The following CEP83 variants were observed in gnomAD, a reference collection of about 807,000 sequenced individuals.
CEP83 encodes centrosomal protein 83, also known as centrosomal protein of 83 kDa.
A neutral mutation model predicts 101.9 loss-of-function variants in CEP83; 70 were observed. The observed-to-expected ratio is 0.69, with a 90% CI of 0.57 to 0.84. CEP83 has a LOEUF of 0.84. Ranked by LOEUF, CEP83 falls within the 40% of genes least tolerant of loss-of-function variation. CEP83 has a pLI of 0.00. For synonymous variants in CEP83, 264 were observed against 267.9 expected (o/e 0.99, Z 0.14); for missense variants, 715 against 787.2 (o/e 0.91, Z 1.10).
intron 11 of CEP83, among the ~76,000 whole-genome samples, chr12:94,352,315 G>A (rs2060235552): frequency 6.6e-6 from 1 of 151,872 alleles, no homozygotes; most frequent in Admixed American, 6.6e-5. Flanking sequence ...AGCTACTTGG[G>A]AGGCTGTGGC....
At chr12:94,296,630 T>C in the CEP83 span, among the ~76,000 whole-genome samples, 1 of 152,210 alleles carries the variant, frequency 6.6e-6, no homozygotes, top group African/African-American at 2.4e-5. Flanking sequence ...CTTCCTACCT[T>C]TGGACCTTCC....
intron 11 of CEP83, among the ~76,000 whole-genome samples, chr12:94,349,976 G>A (rs2060126990): frequency 2.0e-5 from 3 of 152,092 alleles, no homozygotes; most frequent in South Asian, 2.1e-4. Context: ...ACTAAAAGAC[G>A]CTGCTAACAG....
chr12:94,336,708 T>G (rs7298750), intron 11 of CEP83, among the ~76,000 whole-genome samples: 3,916 of 152,330 alleles, frequency 0.026, 184 homozygotes, highest in African/African-American at 0.09. Flanking sequence ...CTTTTCCTTT[T>G]GCTCCACCGT....
chr12:94,386,052 G>A (rs565888624), intron 6 of CEP83, among the ~76,000 whole-genome samples: 2 of 152,270 alleles, frequency 1.3e-5, no homozygotes, highest in South Asian at 2.1e-4. Flanking sequence ...AGTCCATGAT[G>A]TTTGCACATG....
rs778318308 is a variant in CEP83 at position 94,424,708 on chromosome 12, G to A, written c.-102+10567C>T. ...ATTTGTTTGTGGTCTTGTCCAGTAC[G>A]GCCTTAGTGGAAACAATCTTGCCAT... On this transcript the variant is annotated intron_variant, in intron 2 of 16. Coordinates refer to ENST00000397809, the MANE Select transcript of CEP83 (RefSeq NM_016122.3). 3.0e-5 allele frequency: 48 copies of A among 1,608,494 alleles called. No homozygotes were observed. The East Asian group carries it at 6.9e-4, about 23-fold the overall frequency.
At chr12:94,297,042 G>A in the CEP83 span, 2 of 717,758 alleles carry the variant, frequency 2.8e-6, no homozygotes, top group Non-Finnish European at 4.9e-6. Flanking sequence ...GCAGCAGGGG[G>A]AAAAATGTAG....
At chr12:94,280,047 G>A in the CEP83 span, 1 of 350,276 alleles carries the variant, frequency 2.9e-6, no homozygotes, top group South Asian at 2.2e-5. Context: ...TACTGAGCGT[G>A]TCATTACTGG....
downstream of CEP83, chr12:94,304,252 A>G (rs375593880): frequency 3.7e-4 from 172 of 459,846 alleles, 2 homozygotes; most frequent in East Asian, 5.3e-3. Context: ...CATGCTGCCC[A>G]CATTTGGACC....
At chr12:94,342,033 T>TA (rs1378242710) in intron 11 of CEP83, among the ~76,000 whole-genome samples, 1 of 152,198 alleles carries the variant, frequency 6.6e-6, no homozygotes, top group Non-Finnish European at 1.5e-5. Flanking sequence ...GAATATGTCC[T>TA]AAAAAATGTA....
chr12:94,298,515 G>T, the CEP83 span: 35 of 842,316 alleles, frequency 4.2e-5, no homozygotes, highest in South Asian at 6.1e-4. Context: ...TCTTCAGTTT[G>T]TTTTTCCCTG....
intron 1 of CEP83, 67 bp downstream of exon 1, chr12:94,459,490 T>A (rs988014690): frequency 6.6e-6 from 1 of 152,228 alleles, no homozygotes; most frequent in Admixed American, 6.5e-5. Context: ...GGGCAGTTTG[T>A]GGAGGGACAA....
At chr12:94,338,942 A>G (rs2059563725) in intron 11 of CEP83, among the ~76,000 whole-genome samples, 1 of 151,804 alleles carries the variant, frequency 6.6e-6, no homozygotes. Flanking sequence ...CAGCTGATAT[A>G]CTGATATATA....
chr12:94,447,651 C>T (rs990415426), intron 1 of CEP83, among the ~76,000 whole-genome samples: 2 of 152,026 alleles, frequency 1.3e-5, no homozygotes, highest in East Asian at 1.9e-4. Context: ...AATTATAGTA[C>T]TGTGTCGCTG....
At position 94,349,241 on chromosome 12, in the gene CEP83, C is replaced by T. The variant is rs143420452; in HGVS notation, c.1344-13577G>A. On this transcript the variant is annotated intron_variant, in intron 11 of 16. Coordinates refer to ENST00000397809, the MANE Select transcript of CEP83 (RefSeq NM_016122.3). ...TGGAACTTGCAGTGAGCCAAGATTG[C>T]GCCACTGCACTCCAGCCTGGGTGAC... Among the ~76,000 whole-genome samples, 150 of 149,028 alleles carry T rather than the reference C, an allele frequency of 1.0e-3. 1 individual carries two copies. The East Asian group carries it at 0.02, about 20-fold the overall frequency.
chr12:94,273,904 C>A, the CEP83 span, among the ~76,000 whole-genome samples: 1 of 152,104 alleles, frequency 6.6e-6, no homozygotes, highest in Non-Finnish European at 1.5e-5. Context: ...GAGCTCCAAG[C>A]CGGTCCCTAC....
At chr12:94,344,305 C>A (rs964453553) in intron 11 of CEP83, among the ~76,000 whole-genome samples, 3 of 152,084 alleles carry the variant, frequency 2.0e-5, no homozygotes, top group African/African-American at 7.2e-5. Flanking sequence ...ACACGTAAAG[C>A]AGTGATGAGA....
chr12:94,419,793 T>C (rs754138716), intron 2 of CEP83, among the ~76,000 whole-genome samples: 1 of 152,048 alleles, frequency 6.6e-6, no homozygotes, highest in African/African-American at 2.4e-5. Context: ...GATAACCTTG[T>C]AGAAAAAAAG....
intron 4 of CEP83, among the ~76,000 whole-genome samples, chr12:94,406,174 G>A (rs1435376820): frequency 6.6e-6 from 1 of 152,048 alleles, no homozygotes; most frequent in African/African-American, 2.4e-5. Context: ...GACCCAGAAA[G>A]ATAAAACTGT....
intron 4 of CEP83, among the ~76,000 whole-genome samples, chr12:94,407,448 T>C (rs1207460951): frequency 6.6e-6 from 1 of 152,178 alleles, no homozygotes; most frequent in East Asian, 1.9e-4. Flanking sequence ...AGCTGCACAA[T>C]ATCCATGCAG....
Sources: allele counts gnomAD v4.1 joint callset (sites outside exome capture counted in the v4.1 genomes callset), GRCh38; gene constraint gnomAD v4.1.1; transcripts MANE v1.5; gene names NCBI Gene and HGNC (gene_info 2026-07-23, HGNC 2026-07-21).